Variants in DDX50 observed in about 807,000 individuals in gnomAD.
DDX50 encodes DExD-box helicase 50.
DDX50 carries 56 observed loss-of-function variants against 94.8 expected under a neutral mutation model. The ratio of observed to expected loss-of-function variants is 0.59; its 90% confidence interval spans 0.48 to 0.74. The LOEUF is 0.74. DDX50 is among the 30% of genes least tolerant of loss of function. The pLI is 0.00. For missense variants in DDX50, 713 were observed against 881.2 expected (o/e 0.81, Z 2.42); for synonymous variants, 264 against 295.4 (o/e 0.89, Z 1.09).
rs1173007680 is a variant in DDX50, at chr10:68,937,005, G to C, written c.1665G>C (p.Glu555Asp). Residue 555 changes from glutamate to aspartate, a missense_variant, in exon 12 of 15, where the codon GAG (glutamate) becomes GAC (aspartate). Around this residue, in one of 2 missense-constraint regions of DDX50, gnomAD observed 428 missense variants for 602.3 expected, o/e 0.71. Transcript: ENST00000373585. ...FRPSAQRLIEEKGAVDALAAA... is the reference protein window; with the variant it reads ...FRPSAQRLIEDKGAVDALAAA... ...CATCAGCTCAGAGACTGATAGAAGA[G>C]AAAGGTGCAGTGGATGCATTGGCTG... 1 of 1,612,350 alleles carries C rather than the reference G, an allele frequency of 6.2e-7. No homozygotes were observed. Among genetic ancestry groups the C allele is most frequent in the East Asian group, 2.2e-5 (1 of 44,882 alleles).
At chr10:68,901,948 A>G (rs1166938618) in intron 1 of DDX50, among the ~76,000 whole-genome samples, 3 of 152,212 alleles carry the variant, frequency 2.0e-5, no homozygotes, top group Non-Finnish European at 4.4e-5. Context: ...TAGAGGCTTA[A>G]GGAAAAGTGT....
chr10:68,902,664 C>T (rs567809498), intron 1 of DDX50, among the ~76,000 whole-genome samples: 2 of 135,374 alleles, frequency 1.5e-5, no homozygotes, highest in South Asian at 2.4e-4. Flanking sequence ...ATTCTACTTT[C>T]GCTCTGTGAA....
intron 2 of DDX50, among the ~76,000 whole-genome samples, chr10:68,908,451 CAA>C (rs71223162): frequency 2.7e-4 from 12 of 43,702 alleles, no homozygotes; most frequent in African/African-American, 9.7e-4. Flanking sequence ...AACTCCATCT[CAA>C]AAAAAAAAAA....
At chr10:68,930,072 C>G (rs917672377) in intron 8 of DDX50, among the ~76,000 whole-genome samples, 8 of 147,594 alleles carry the variant, frequency 5.4e-5, no homozygotes, top group Admixed American at 1.4e-4. Flanking sequence ...TCTTTTCCTT[C>G]CTTTCCTTTC....
At chr10:68,932,231 C>G (rs533289329) in intron 8 of DDX50, among the ~76,000 whole-genome samples, 1 of 152,264 alleles carries the variant, frequency 6.6e-6, no homozygotes, top group East Asian at 1.9e-4. Flanking sequence ...GATACCAAGG[C>G]TGAAATACTG....
At position 68,915,300 on chromosome 10, in the gene DDX50, C is replaced by T. The variant is rs181357465; in HGVS notation, c.1089+1096C>T. Among the ~76,000 whole-genome samples the T allele has an allele frequency of 1.3e-3, 204 of 151,752 alleles. 2 individuals carry two copies. Among genetic ancestry groups the T allele is most frequent in the Admixed American group, 0.011 (162 of 15,212 alleles). On this transcript the variant is annotated intron_variant, in intron 7 of 14. Coordinates refer to ENST00000373585, the MANE Select transcript of DDX50 (RefSeq NM_024045.2). ...TGGTGGCGGGCGCCTGTAGTTCCAG[C>T]TACTCGGGAGGCTGAGGCAGGAGAA... is the stretch of plus-strand genomic sequence containing the variant.
At chr10:68,904,843 TAA>T in intron 1 of DDX50, among the ~76,000 whole-genome samples, 1 of 152,356 alleles carries the variant, frequency 6.6e-6, no homozygotes, top group Non-Finnish European at 1.5e-5. Flanking sequence ...TCATATGATG[TAA>T]TGTGTAACTG....
intron 8 of DDX50, among the ~76,000 whole-genome samples, chr10:68,933,658 G>GCGT (rs886575438): frequency 3.3e-5 from 5 of 151,972 alleles, no homozygotes; most frequent in Non-Finnish European, 5.9e-5. Flanking sequence ...AAGTGGCCGG[G>GCGT]TGTGGTGGCT....
Position 68,946,723 on chromosome 10 carries a change from A to G in DDX50, c.*93A>G. 5 of 1,462,586 alleles carry G rather than the reference A, an allele frequency of 3.4e-6. No individual in the cohort carries two copies. Among genetic ancestry groups the G allele is most frequent in the Non-Finnish European group, 3.7e-6 (4 of 1,089,406 alleles). 90.6% of individuals were successfully genotyped at this position (1,462,586 alleles called of 1,614,324 possible). On this transcript the variant is annotated 3_prime_UTR_variant, in exon 15 of 15. Coordinates refer to ENST00000373585, the MANE Select transcript of DDX50 (RefSeq NM_024045.2). ...AAAATTAGGTCATCATAGTTGAGGT[A>G]TGTGTCTGCTATTTGCAAAGAAGTT... is the stretch of plus-strand genomic sequence containing the variant.
intron 7 of DDX50, among the ~76,000 whole-genome samples, chr10:68,915,298 A>C (rs1178498685): frequency 6.6e-6 from 1 of 151,860 alleles, no homozygotes; most frequent in Non-Finnish European, 1.5e-5. Flanking sequence ...CTGTAGTTCC[A>C]GCTACTCGGG....
At chr10:68,911,380 T>C in intron 4 of DDX50, 134 bp downstream of exon 4, 1 of 988,498 alleles carries the variant, frequency 1.0e-6, no homozygotes. Flanking sequence ...ATATGTTGTT[T>C]TTCACAAAAA....
At chr10:68,917,441 A>G (rs993008803) in intron 7 of DDX50, among the ~76,000 whole-genome samples, 4 of 152,170 alleles carry the variant, frequency 2.6e-5, no homozygotes, top group Admixed American at 2.0e-4. Flanking sequence ...CCTGGGCAAC[A>G]GTGTGAGACT....
intron 2 of DDX50, among the ~76,000 whole-genome samples, chr10:68,909,808 A>G (rs1189974648): frequency 6.6e-6 from 1 of 152,130 alleles, no homozygotes; most frequent in African/African-American, 2.4e-5. Context: ...GATTACAGGC[A>G]TGCGCCACCA....
At position 68,946,738 on chromosome 10, in the gene DDX50, G is replaced by T; in HGVS notation, c.*108G>T. On this transcript the variant is annotated 3_prime_UTR_variant, in exon 15 of 15. Coordinates refer to ENST00000373585, the MANE Select transcript of DDX50 (RefSeq NM_024045.2). The stretch of plus-strand genomic sequence containing the variant: ...TAGTTGAGGTATGTGTCTGCTATTT[G>T]CAAAGAAGTTGGTCGTATTTTTTTA... 7.2e-7 allele frequency: 1 copy of T among 1,384,150 alleles called. No individual in the cohort carries two copies. The allele number at this position is 1,384,150 out of a possible 1,614,324, so 85.7% of individuals were successfully genotyped here.
chr10:68,922,788 T>TTC (rs1251337072), intron 8 of DDX50, among the ~76,000 whole-genome samples: 1 of 147,218 alleles, frequency 6.8e-6, no homozygotes, highest in African/African-American at 2.5e-5. Flanking sequence ...GTATGACCCT[T>TTC]TCTCTCTCTT....
Position 68,934,413 on chromosome 10 carries a change from A to T in DDX50, c.1401+53A>T, listed in dbSNP as rs1021854077. On this transcript the variant is annotated intron_variant, in intron 9 of 14. Transcript: ENST00000373585. This position sits in a 1 kb window ranked among gnomAD's most constrained non-coding sequence, Gnocchi z 4.0. ...AATAAGAGCAATTTTATAAATTCCCATTTAATTTACAACATATTGCTTGGG... is the reference window on the plus strand; with the variant it reads ...AATAAGAGCAATTTTATAAATTCCCTTTTAATTTACAACATATTGCTTGGG... The T allele has an allele frequency of 2.5e-6, 4 of 1,604,494 alleles. No homozygotes were observed. Among genetic ancestry groups the T allele is most frequent in the South Asian group, 1.1e-5 (1 of 89,830 alleles).
intron 6 of DDX50, 101 bp downstream of exon 6, chr10:68,913,677 C>G: frequency 9.6e-7 from 1 of 1,045,482 alleles, no homozygotes; most frequent in Non-Finnish European, 1.3e-6. Flanking sequence ...CCCCTGCGTT[C>G]TAACAAAACT....
At chr10:68,909,363 C>A (rs1841559495) in intron 2 of DDX50, among the ~76,000 whole-genome samples, 1 of 152,126 alleles carries the variant, frequency 6.6e-6, no homozygotes, top group Non-Finnish European at 1.5e-5. Flanking sequence ...AAATGATAAT[C>A]TCATGGTAAC....
At chr10:68,929,340 CTTCCTTCCTTCTTTCCTTCT>C (rs1326382175) in intron 8 of DDX50, among the ~76,000 whole-genome samples, 10 of 143,592 alleles carry the variant, frequency 7.0e-5, no homozygotes, top group Admixed American at 2.9e-4. Context: ...TCTTTCCTTC[CTTCCTTCCTTCTTTCCTTCT>C]TTCCTTCCTT....
Sources: gnomAD v4.1 joint callset for allele counts (sites outside exome capture counted in the v4.1 genomes callset) on GRCh38, gnomAD v4.1.1 for gene constraint, gnomAD v4.1.1 regional missense constraint, Gnocchi (gnomAD v3.1) non-coding constraint, MANE v1.5 for transcripts, NCBI Gene and HGNC (gene_info 2026-07-23, HGNC 2026-07-21) for gene names.